The following PML variants were observed in gnomAD, a reference collection of about 807,000 sequenced individuals.
PML encodes the protein PML nuclear body scaffold.
PML carries 28 observed loss-of-function variants against 65.2 expected under a neutral mutation model. The observed-to-expected ratio is 0.43, with a 90% confidence interval of 0.32 to 0.59. The LOEUF is 0.59. Ranked by LOEUF, PML falls within the 20% of genes least tolerant of loss-of-function variation. The pLI, the probability that PML is intolerant of heterozygous loss-of-function variation, is 0.08. For synonymous variants in PML, 500 were observed against 508.8 expected (o/e 0.98, Z 0.23); for missense variants, 1,021 against 1,203.4 (o/e 0.85, Z 2.24).
rs571093029 is a variant in PML at position 74,047,524 on chromosome 15, T to C, written c.*2516T>C. 4.6e-5 allele frequency: 10 copies of C among 219,642 alleles called. No homozygotes were observed. In the South Asian group the frequency reaches 1.7e-3, roughly 36 times the overall value. The allele number at this position is 219,642 out of a possible 1,614,324, so 13.6% of individuals were successfully genotyped here. On this transcript the variant is annotated 3_prime_UTR_variant, in exon 9 of 9. Transcript: ENST00000268058. ...ATATCTCAGGTGTTTACGTGTCAAC[T>C]AATGGGAGCTTACTGGGTTAGAAGT...
intron 8 of PML, 96 bp from the exon 9 acceptor site, chr15:74,044,125 C>T: frequency 2.5e-6 from 3 of 1,221,620 alleles, no homozygotes; most frequent in Non-Finnish European, 3.6e-6. Flanking sequence ...GGTGAGGTCT[C>T]TAGATGGTGA....
Position 74,044,330 on chromosome 15 carries a change from G to A in PML, c.1971G>A (p.Val657=). ...ACTCCAAGGCCGTGTCCCTGGAGGT[G>A]GGGCTGCAGCACTTCCTCAGCTTTC... ...SIYSKAVSLE[V]GLQHFLSFLS... Residue 657 remains valine, a synonymous_variant, in exon 9 of 9, where the codon GTG becomes GTA. Transcript: ENST00000268058. 1 of 1,614,158 alleles carries A rather than the reference G, an allele frequency of 6.2e-7. No homozygotes were observed. The highest frequency in any genetic ancestry group is 8.5e-7 in the Non-Finnish European group (1 of 1,180,014).
At chr15:74,021,520 G>T (rs1190408758) in intron 2 of PML, among the ~76,000 whole-genome samples, 2 of 152,086 alleles carry the variant, frequency 1.3e-5, no homozygotes, top group Non-Finnish European at 2.9e-5. Flanking sequence ...GGGAGGCAGA[G>T]GTTGCGGTAA....
chr15:74,046,916 G>C lies in PML; in HGVS notation c.*1908G>C, dbSNP rs569702685. ...CTGTGTTTTGTGGGGCGTCTTTTAG[G>C]ACTTAGCAGAGCTGAGAGCCCTTTG... On this transcript the variant is annotated 3_prime_UTR_variant, in exon 9 of 9. Transcript: ENST00000268058. 1 of 230,262 alleles carries C rather than the reference G, an allele frequency of 4.3e-6. No individual in the cohort carries two copies. Among genetic ancestry groups the C allele is most frequent in the South Asian group, 1.8e-4 (1 of 5,506 alleles). The allele number at this position is 230,262 out of a possible 1,614,324, so 14.3% of individuals were successfully genotyped here.
At chr15:74,030,090 T>C (rs16869) in intron 4 of PML, among the ~76,000 whole-genome samples, 32,024 of 152,010 alleles carry the variant, frequency 0.21, 3,697 homozygotes, top group South Asian at 0.27. Context: ...ATCCCTGCCT[T>C]AACTCACATG....
chr15:74,035,336 C>G lies in PML; in HGVS notation c.1710+806C>G. The G allele has an allele frequency of 6.2e-7, 1 of 1,612,420 alleles. No individual in the cohort carries two copies. The highest frequency in any genetic ancestry group is 2.2e-5 in the East Asian group (1 of 44,866). On this transcript the variant is annotated intron_variant, in intron 7 of 8. Coordinates refer to ENST00000268058, the MANE Select transcript of PML (RefSeq NM_033238.3). This position sits in a 1 kb window ranked among gnomAD's most constrained non-coding sequence, Gnocchi z 4.1. ...ACCACCCCCCAGCTTGGCCTCCCCA[C>G]CAGCCCGCTGAGCAGGCTGCCACCC...
chr15:74,034,376 C>T (rs77769571), intron 6 of PML, 102 bp from the exon 7 acceptor site: 53,051 of 1,517,154 alleles, frequency 0.035, 1,094 homozygotes, highest in African/African-American at 0.068. Flanking sequence ...ATCCGTTTCC[C>T]CCAGCCGACT....
chr15:74,009,715 A>T (rs907610481), intron 2 of PML, among the ~76,000 whole-genome samples: 8 of 150,994 alleles, frequency 5.3e-5, no homozygotes, highest in African/African-American at 1.9e-4. Flanking sequence ...GGTTCAAGTG[A>T]TCCTCCTACC....
At chr15:74,011,644 G>T (rs149072686) in intron 2 of PML, among the ~76,000 whole-genome samples, 2 of 152,218 alleles carry the variant, frequency 1.3e-5, no homozygotes, top group African/African-American at 4.8e-5. Context: ...GGAATGGGCT[G>T]TTCAGGCTGC....
intron 2 of PML, among the ~76,000 whole-genome samples, chr15:74,015,107 G>C (rs1015409141): frequency 6.6e-6 from 1 of 152,150 alleles, no homozygotes; most frequent in Non-Finnish European, 1.5e-5. Context: ...TTTCTATTCT[G>C]GTATCTTCTT....
chr15:74,035,010 G>T lies in PML; in HGVS notation c.1710+480G>T. ...ATAAATCCATTCCACAGTGAAACAG[G>T]TGGCCTCGTGGGTAGTGACCCTTCT... On this transcript the variant is annotated intron_variant, in intron 7 of 8. Transcript: ENST00000268058. This position sits in a 1 kb window ranked among gnomAD's most constrained non-coding sequence, Gnocchi z 4.1. The T allele has an allele frequency of 6.5e-7, 1 of 1,534,216 alleles. No homozygotes were observed. The highest frequency in any genetic ancestry group is 2.0e-5 in the Admixed American group (1 of 50,070).
intron 7 of PML, chr15:74,041,510 C>A (rs901951299): frequency 6.6e-6 from 1 of 152,372 alleles, no homozygotes; most frequent in Non-Finnish European, 1.5e-5. Context: ...AGGCGCTGGG[C>A]AGACTCTCTG....
chr15:74,035,282 A>G lies in PML; in HGVS notation c.1710+752A>G, dbSNP rs867756563. On this transcript the variant is annotated intron_variant, in intron 7 of 8. Transcript: ENST00000268058. This position sits in a 1 kb window ranked among gnomAD's most constrained non-coding sequence, Gnocchi z 4.1. ...CAGTCCAGTCTCTGCTGAGAGCACA[A>G]GGAGCCTCCAGCCTGCCCTGTGGCA... 1 of 1,613,110 alleles carries G rather than the reference A, an allele frequency of 6.2e-7. No homozygotes were observed.
chr15:74,025,798 C>T (rs1237086181), intron 4 of PML: 1 of 152,360 alleles, frequency 6.6e-6, no homozygotes, highest in African/African-American at 2.4e-5. Flanking sequence ...CGGTTTCTTC[C>T]TGGACTTGGC....
chr15:74,037,997 C>T lies in PML; in HGVS notation c.1710+3467C>T, dbSNP rs1160943970. Among the ~76,000 whole-genome samples, 2 of 152,132 alleles carry T rather than the reference C, an allele frequency of 1.3e-5. No individual in the cohort carries two copies. The highest frequency in any genetic ancestry group is 1.9e-4 in the East Asian group (1 of 5,200). On this transcript the variant is annotated intron_variant, in intron 7 of 8. Transcript: ENST00000268058. This position sits in a 1 kb window ranked among gnomAD's most constrained non-coding sequence, Gnocchi z 4.2. ...ACCTTCTCCTCCCGTCTCACTGGCT[C>T]GCCCCACTCTCTGCCCGGTTGCACA...
At chr15:74,036,487 G>C in intron 7 of PML, 2 of 1,212,136 alleles carry the variant, frequency 1.6e-6, no homozygotes, top group South Asian at 3.6e-5. Flanking sequence ...CTGGAACTCA[G>C]TTCTCCTCTG....
chr15:74,004,202 T>C (rs1322454292), intron 2 of PML, among the ~76,000 whole-genome samples: 1 of 152,228 alleles, frequency 6.6e-6, no homozygotes, highest in Non-Finnish European at 1.5e-5. Flanking sequence ...CTCAAACTCC[T>C]GGGCTCAAGC....
rs537507746 is a variant in PML at position 73,999,590 on chromosome 15, C to T, written c.602+1114C>T. Among the ~76,000 whole-genome samples, 9 of 152,248 alleles carry T rather than the reference C, an allele frequency of 5.9e-5. No homozygotes were observed. The South Asian group carries it at 1.2e-3, about 21-fold the overall frequency. On this transcript the variant is annotated intron_variant, in intron 2 of 8. Transcript: ENST00000268058. ...ATTGGCCATTGTGTTTCTGCATTTG[C>T]GAGTGGCCTGTTTAGGTCCTTTGCC...
intron 6 of PML, chr15:74,033,664 C>G (rs1338163043): frequency 6.0e-6 from 4 of 665,884 alleles, no homozygotes; most frequent in Non-Finnish European, 1.1e-5. Context: ...GTCCTTTCTC[C>G]CAAACACTAC....
Sources: allele counts gnomAD v4.1 joint callset (sites outside exome capture counted in the v4.1 genomes callset), GRCh38; gene constraint gnomAD v4.1.1; non-coding constraint Gnocchi (gnomAD v3.1); transcripts MANE v1.5; gene names NCBI Gene and HGNC (gene_info 2026-07-23, HGNC 2026-07-21).